The following COBL variants were observed in gnomAD, a reference collection of about 807,000 sequenced individuals.
The protein encoded by COBL is protein cordon-bleu.
In COBL, 51 loss-of-function variants were observed where a neutral mutation model predicts 98.8. The observed-to-expected ratio is 0.52, with a 90% confidence interval of 0.41 to 0.65. The LOEUF (loss-of-function observed/expected upper bound fraction) is 0.65. COBL is among the 30% of genes least tolerant of loss of function. The pLI is 0.00. For missense variants in COBL, 1,617 were observed against 1,617.5 expected, an observed-to-expected ratio of 1.00 and a Z score of 0.01; for synonymous variants, 634 against 651.7, an observed-to-expected ratio of 0.97 and a Z score of 0.41.
At chr7:51,106,939 T>G (rs1281600130) in intron 6 of COBL, among the ~76,000 whole-genome samples, 3 of 152,190 alleles carry the variant, frequency 2.0e-5, no homozygotes, top group African/African-American at 7.2e-5. Flanking sequence ...CTAGTTTATT[T>G]TCATTACAAA....
chr7:51,179,299 C>T (rs1403980122), intron 5 of COBL, among the ~76,000 whole-genome samples: 1 of 151,970 alleles, frequency 6.6e-6, no homozygotes, highest in Non-Finnish European at 1.5e-5. Flanking sequence ...TGCAGTGGCA[C>T]AATCTTGGCT....
At chr7:51,306,884 G>A (rs1226206872) in intron 1 of COBL, among the ~76,000 whole-genome samples, 1 of 152,166 alleles carries the variant, frequency 6.6e-6, no homozygotes, top group African/African-American at 2.4e-5. Context: ...CAGAAATAGA[G>A]CAGAGCAACA....
intron 1 of COBL, among the ~76,000 whole-genome samples, chr7:51,233,665 T>C (rs916306206): frequency 2.6e-4 from 39 of 152,166 alleles, no homozygotes; most frequent in Admixed American, 2.4e-3. Context: ...GCATAACTGA[T>C]TGGAACTCAA....
At chr7:51,163,982 G>A (rs1244430118) in intron 5 of COBL, among the ~76,000 whole-genome samples, 2 of 152,186 alleles carry the variant, frequency 1.3e-5, no homozygotes, top group African/African-American at 2.4e-5. Context: ...GGGCCCCACA[G>A]TTTAATGAAA....
intron 5 of COBL, among the ~76,000 whole-genome samples, chr7:51,165,608 C>A (rs1429589228): frequency 6.7e-6 from 1 of 150,034 alleles, no homozygotes; most frequent in African/African-American, 2.5e-5. Context: ...CAGTGTAGAT[C>A]GAATGGATCT....
At chr7:51,213,024 C>T (rs1040164477) in intron 2 of COBL, among the ~76,000 whole-genome samples, 1 of 152,242 alleles carries the variant, frequency 6.6e-6, no homozygotes, top group Admixed American at 6.5e-5. Flanking sequence ...TACTTCCCAA[C>T]ACAATGTTAA....
intron 1 of COBL, among the ~76,000 whole-genome samples, chr7:51,254,660 T>C (rs1355891911): frequency 6.6e-6 from 1 of 152,144 alleles, no homozygotes. Context: ...GTTGACTACC[T>C]AGAATTCTCT....
At chr7:51,182,784 A>G (rs932161374) in intron 5 of COBL, among the ~76,000 whole-genome samples, 2 of 152,214 alleles carry the variant, frequency 1.3e-5, no homozygotes, top group Non-Finnish European at 2.9e-5. Flanking sequence ...AACATGGAGA[A>G]AAGCACAACA....
At chr7:51,221,032 C>T (rs1476854197) in intron 1 of COBL, among the ~76,000 whole-genome samples, 2 of 152,170 alleles carry the variant, frequency 1.3e-5, no homozygotes, top group East Asian at 3.8e-4. Flanking sequence ...CGATACTTAA[C>T]ATCCACTAGG....
intron 1 of COBL, among the ~76,000 whole-genome samples, chr7:51,275,889 T>C (rs1010181024): frequency 6.6e-6 from 1 of 152,230 alleles, no homozygotes; most frequent in African/African-American, 2.4e-5. Context: ...CTTGTTTTCT[T>C]TTCCTCTGAC....
intron 1 of COBL, among the ~76,000 whole-genome samples, chr7:51,232,877 A>G (rs902293390): frequency 6.6e-6 from 1 of 152,152 alleles, no homozygotes; most frequent in Admixed American, 6.5e-5. Flanking sequence ...CATTTATTCA[A>G]TTTCTTCCTG....
chr7:51,024,973 T>C (rs1199521418), intron 12 of COBL, 136 bp downstream of exon 12: 14 of 1,167,934 alleles, frequency 1.2e-5, no homozygotes, highest in Non-Finnish European at 1.7e-5. Context: ...AGAGACACAG[T>C]GACGCCGGCT....
At chr7:51,190,500 G>C (rs1359905227) in intron 4 of COBL, among the ~76,000 whole-genome samples, 10 of 152,176 alleles carry the variant, frequency 6.6e-5, no homozygotes, top group Non-Finnish European at 2.9e-5. Context: ...ACAAGTGTGA[G>C]CCACCAACCC....
intron 7 of COBL, among the ~76,000 whole-genome samples, chr7:51,054,932 A>T (rs938871786): frequency 3.3e-5 from 5 of 152,170 alleles, no homozygotes; most frequent in Non-Finnish European, 7.4e-5. Context: ...TTCAGCAGAG[A>T]AGGTGGTCCG....
At chr7:51,039,328 G>T (rs553481306) in intron 8 of COBL, among the ~76,000 whole-genome samples, 2 of 152,332 alleles carry the variant, frequency 1.3e-5, no homozygotes, top group East Asian at 3.9e-4. Flanking sequence ...AACAGTGGTG[G>T]GTTCTGCGCT....
chr7:51,140,256 A>G (rs1207175425), intron 5 of COBL, among the ~76,000 whole-genome samples: 1 of 152,146 alleles, frequency 6.6e-6, no homozygotes, highest in African/African-American at 2.4e-5. Context: ...CTGTCATTCA[A>G]TGGATAGTCG....
chr7:51,070,634 A>G (rs1038468590), intron 7 of COBL, among the ~76,000 whole-genome samples: 1 of 152,232 alleles, frequency 6.6e-6, no homozygotes, highest in Non-Finnish European at 1.5e-5. Context: ...TGCACGTGGA[A>G]ACGTTTTGAA....
intron 6 of COBL, among the ~76,000 whole-genome samples, chr7:51,094,257 G>A (rs577664476): frequency 6.6e-6 from 1 of 152,038 alleles, no homozygotes; most frequent in East Asian, 1.9e-4. Context: ...GGAGACATTG[G>A]TTAAAGGGTG....
intron 1 of COBL, among the ~76,000 whole-genome samples, chr7:51,231,578 A>C (rs1050121710): frequency 2.6e-5 from 4 of 152,196 alleles, no homozygotes; most frequent in Non-Finnish European, 4.4e-5. Flanking sequence ...CCTGTGTCCT[A>C]AGGAGCGCCA....
Sources: gnomAD v4.1 joint callset for allele counts (sites outside exome capture counted in the v4.1 genomes callset) on GRCh38, gnomAD v4.1.1 for gene constraint, MANE v1.5 for transcripts, NCBI Gene and HGNC (gene_info 2026-07-23, HGNC 2026-07-21) for gene names.